The following ARHGAP5 variants were observed in gnomAD, a reference collection of about 807,000 sequenced individuals.
ARHGAP5 encodes the protein rho GTPase-activating protein 5.
ARHGAP5 carries 23 observed loss-of-function variants against 116.6 expected under a neutral mutation model. The ratio of observed to expected loss-of-function variants is 0.20; its 90% confidence interval spans 0.14 to 0.28. The LOEUF (loss-of-function observed/expected upper bound fraction) is 0.28, where lower values mean the gene tolerates loss of function less well. Ranked by LOEUF, ARHGAP5 falls within the 10% of genes least tolerant of loss-of-function variation. The pLI is 1.00. For synonymous variants in ARHGAP5, 574 were observed against 602.0 expected (o/e 0.95, Z 0.68); for missense variants, 1,405 against 1,774.8 (o/e 0.79, Z 3.74).
At chr14:32,126,953 A>G (rs1381193363) in intron 3 of ARHGAP5, among the ~76,000 whole-genome samples, 1 of 151,212 alleles carries the variant, frequency 6.6e-6, no homozygotes, top group Admixed American at 6.6e-5. Flanking sequence ...ATTTTATGTC[A>G]TGTGTATTTT....
At chr14:32,089,554 T>A (rs1197253621) in intron 1 of ARHGAP5, among the ~76,000 whole-genome samples, 1 of 151,950 alleles carries the variant, frequency 6.6e-6, no homozygotes. Flanking sequence ...TTAAATTTTA[T>A]GCAATTCTTA....
At position 32,124,444 on chromosome 14, in the gene ARHGAP5, C is replaced by G. The variant is rs182522288; in HGVS notation, c.3865+7157C>G. ...TGCTAGGTTCCAGTTGGGAAATGAC[C>G]CTTGAAATATTAATATGTTTACAGT... On this transcript the variant is annotated intron_variant, in intron 3 of 6. Coordinates refer to ENST00000345122, the MANE Select transcript of ARHGAP5 (RefSeq NM_001030055.2). Among the ~76,000 whole-genome samples, 86 of 151,768 alleles carry G rather than the reference C, an allele frequency of 5.7e-4. 1 individual carries two copies. The highest frequency in any genetic ancestry group is 1.1e-3 in the Non-Finnish European group (77 of 67,900).
At chr14:32,145,600 G>A (rs534778002) in intron 3 of ARHGAP5, among the ~76,000 whole-genome samples, 1 of 152,206 alleles carries the variant, frequency 6.6e-6, no homozygotes, top group South Asian at 2.1e-4. Context: ...AAAAATCAGG[G>A]AACTTACTGT....
chr14:32,095,704 C>T (rs896255105), intron 2 of ARHGAP5, among the ~76,000 whole-genome samples: 48 of 152,188 alleles, frequency 3.2e-4, no homozygotes, highest in African/African-American at 1.1e-3. Context: ...CGTGAGCCAC[C>T]GCGCCCAGCT....
intron 2 of ARHGAP5, among the ~76,000 whole-genome samples, chr14:32,116,440 A>G (rs1161417153): frequency 4.2e-5 from 6 of 143,468 alleles, no homozygotes; most frequent in African/African-American, 1.0e-4. Flanking sequence ...ATACAAAAAA[A>G]TAATTAGCCG....
chr14:32,099,524 T>C (rs1878695778), intron 2 of ARHGAP5, among the ~76,000 whole-genome samples: 1 of 152,192 alleles, frequency 6.6e-6, no homozygotes, highest in Non-Finnish European at 1.5e-5. Context: ...CCCTCACCTA[T>C]AAATTAGGAA....
At position 32,094,402 on chromosome 14, in the gene ARHGAP5, G is replaced by T; in HGVS notation, c.3717+16G>T. The T allele has an allele frequency of 6.6e-7, 1 of 1,519,286 alleles. No individual in the cohort carries two copies. The highest frequency in any genetic ancestry group is 8.8e-7 in the Non-Finnish European group (1 of 1,133,584). The allele number at this position is 1,519,286 out of a possible 1,614,324, so 94.1% of individuals were successfully genotyped here. On this transcript the variant is annotated intron_variant, in intron 2 of 6. Transcript: ENST00000345122. ...AGATAAAAAGGTAAGGTTAACTTAAGGTCAGTGATGTTTATAAAAATGCTT... is the reference window on the plus strand; with the variant it reads ...AGATAAAAAGGTAAGGTTAACTTAATGTCAGTGATGTTTATAAAAATGCTT...
intron 3 of ARHGAP5, among the ~76,000 whole-genome samples, chr14:32,144,366 GTTATTA>G (rs200701536): frequency 2.0e-5 from 3 of 151,480 alleles, no homozygotes; most frequent in African/African-American, 4.8e-5. Flanking sequence ...TTCAAGTTCA[GTTATTA>G]TTATTATTAT....
At chr14:32,081,992 C>T (rs2041780797) in intron 1 of ARHGAP5, among the ~76,000 whole-genome samples, 1 of 152,138 alleles carries the variant, frequency 6.6e-6, no homozygotes, top group African/African-American at 2.4e-5. Context: ...TGTTCCCCCT[C>T]AGATCATCAG....
intron 3 of ARHGAP5, among the ~76,000 whole-genome samples, chr14:32,124,487 G>A (rs546419026): frequency 2.0e-5 from 3 of 152,254 alleles, no homozygotes; most frequent in South Asian, 2.1e-4. Flanking sequence ...AAGGGATAGT[G>A]CAGAAGAGAG....
intron 3 of ARHGAP5, among the ~76,000 whole-genome samples, chr14:32,137,291 A>G (rs1349855083): frequency 2.0e-5 from 3 of 149,758 alleles, no homozygotes; most frequent in Admixed American, 6.7e-5. Context: ...GCATGTGGAT[A>G]TTCGCCTGTC....
chr14:32,111,869 G>T (rs1425564294), intron 2 of ARHGAP5, among the ~76,000 whole-genome samples: 2 of 117,860 alleles, frequency 1.7e-5, no homozygotes, highest in African/African-American at 3.2e-5. Context: ...TTTTGACAGA[G>T]TCTCGCTCTG....
At chr14:32,150,526 C>G (rs931721878) in intron 5 of ARHGAP5, among the ~76,000 whole-genome samples, 1 of 152,098 alleles carries the variant, frequency 6.6e-6, no homozygotes, top group African/African-American at 2.4e-5. Flanking sequence ...CAAAGTCATT[C>G]CATGACCGAA....
At chr14:32,144,175 A>G (rs1433658441) in intron 3 of ARHGAP5, among the ~76,000 whole-genome samples, 1 of 152,204 alleles carries the variant, frequency 6.6e-6, no homozygotes, top group African/African-American at 2.4e-5. Context: ...AATGAGGAAG[A>G]AATGTTTCAA....
At chr14:32,137,378 T>C (rs1297325425) in intron 3 of ARHGAP5, among the ~76,000 whole-genome samples, 3 of 151,740 alleles carry the variant, frequency 2.0e-5, no homozygotes, top group Admixed American at 1.3e-4. Flanking sequence ...CAGTTGGCCA[T>C]AGATACATGG....
chr14:32,133,778 A>T (rs1281152885), intron 3 of ARHGAP5, among the ~76,000 whole-genome samples: 44 of 152,218 alleles, frequency 2.9e-4, no homozygotes. Flanking sequence ...ATTTATTGAG[A>T]GTTTTTAGCA....
At chr14:32,084,687 A>T (rs2041811419) in intron 1 of ARHGAP5, among the ~76,000 whole-genome samples, 1 of 152,116 alleles carries the variant, frequency 6.6e-6, no homozygotes, top group Non-Finnish European at 1.5e-5. Context: ...CATTTGCCTG[A>T]TTATATTCTT....
At chr14:32,129,954 C>G (rs1880385412) in intron 3 of ARHGAP5, among the ~76,000 whole-genome samples, 1 of 152,074 alleles carries the variant, frequency 6.6e-6, no homozygotes, top group South Asian at 2.1e-4. Flanking sequence ...AATACCAGTA[C>G]TTTTGGGAAG....
chr14:32,116,180 CG>C (rs1372105099), intron 2 of ARHGAP5, among the ~76,000 whole-genome samples: 2 of 134,056 alleles, frequency 1.5e-5, no homozygotes, highest in African/African-American at 5.7e-5. Flanking sequence ...CCAGCTACTC[CG>C]GAGGCTGAGG....
Sources: allele counts gnomAD v4.1 joint callset (sites outside exome capture counted in the v4.1 genomes callset), GRCh38; gene constraint gnomAD v4.1.1; transcripts MANE v1.5; gene names NCBI Gene and HGNC (gene_info 2026-07-23, HGNC 2026-07-21).